Variants in TSNARE1 observed in about 807,000 individuals in gnomAD.
TSNARE1 encodes t-SNARE domain-containing protein 1.
In TSNARE1, 49 loss-of-function variants were observed where a neutral mutation model predicts 62.0. The ratio of observed to expected loss-of-function variants is 0.79; its 90% CI spans 0.63 to 1.00. The LOEUF is 1.00. Ranked by LOEUF, TSNARE1 falls within the 50% of genes least tolerant of loss-of-function variation. TSNARE1 has a pLI of 0.00. For synonymous variants in TSNARE1, 328 were observed against 294.4 expected, an observed-to-expected ratio of 1.11 and a Z score of -1.17; for missense variants, 755 against 700.1, an observed-to-expected ratio of 1.08 and a Z score of -0.88.
At chr8:142,367,936 A>G (rs772906547) in intron 1 of TSNARE1, among the ~76,000 whole-genome samples, 5 of 152,342 alleles carry the variant, frequency 3.3e-5, no homozygotes, top group African/African-American at 4.8e-5. Context: ...TACACTCCAA[A>G]TGGATCATGG....
rs574620425 is a variant in TSNARE1 at position 142,317,748 on chromosome 8, G to A, written c.984+796C>T. Among the ~76,000 whole-genome samples the A allele has an allele frequency of 7.9e-5, 12 of 152,122 alleles. No individual in the cohort carries two copies. The South Asian group carries it at 8.3e-4, about 11-fold the overall frequency. On this transcript the variant is annotated intron_variant, in intron 7 of 13. Transcript: ENST00000524325. ...AGAGGTGGGAGGATCACTTGAGGCC[G>A]GGAGTTTGAGACCAGCCTGAGCAAC...
At chr8:142,374,122 G>A (rs532506843) in intron 1 of TSNARE1, among the ~76,000 whole-genome samples, 1 of 152,158 alleles carries the variant, frequency 6.6e-6, no homozygotes, top group South Asian at 2.1e-4. Flanking sequence ...TGGGCAACAT[G>A]GTGAAACCCC....
chr8:142,343,150 G>C (rs561500181), intron 4 of TSNARE1, among the ~76,000 whole-genome samples: 31 of 152,314 alleles, frequency 2.0e-4, no homozygotes, highest in African/African-American at 7.5e-4. Flanking sequence ...CAGCCTCAGG[G>C]TCTGCAGAAG....
Position 142,222,700 on chromosome 8 carries a change from CCACT to C in TSNARE1, c.*11+6769_*11+6772del, listed in dbSNP as rs768446851. Among the ~76,000 whole-genome samples the C allele has an allele frequency of 1.6e-4, 11 of 69,354 alleles. 1 individual carries two copies. The highest frequency in any genetic ancestry group is 7.2e-5 in the African/African-American group (1 of 13,810). The allele number at this position is 69,354 out of a possible 152,430, so 45.5% of individuals were successfully genotyped here. A position where few individuals can be genotyped will look rare whatever the true frequency, so the allele number is the denominator to read the frequency against. On this transcript the variant is annotated intron_variant, in intron 13 of 13. Transcript: ENST00000524325. ...TCCACTCATCCACTCACTCACTCAT[CCACT>C]CACTCACTCATCCACTCACTCACTC...
intron 6 of TSNARE1, among the ~76,000 whole-genome samples, chr8:142,325,452 T>G (rs1232312694): frequency 6.6e-6 from 1 of 151,938 alleles, no homozygotes; most frequent in African/African-American, 2.4e-5. Flanking sequence ...GAGGAGACAG[T>G]GCAGGAGCCC....
intron 11 of TSNARE1, among the ~76,000 whole-genome samples, chr8:142,284,192 G>T (rs568850327): frequency 6.6e-6 from 1 of 152,334 alleles, no homozygotes; most frequent in South Asian, 2.1e-4. Context: ...GCAGGGACCA[G>T]TGTCAATGAG....
intron 9 of TSNARE1, among the ~76,000 whole-genome samples, chr8:142,311,265 C>T (rs1400819973): frequency 4.2e-5 from 6 of 141,488 alleles, no homozygotes; most frequent in South Asian, 2.3e-4. Flanking sequence ...CAGATTCAAG[C>T]GATTCTCCTG....
intron 2 of TSNARE1, among the ~76,000 whole-genome samples, chr8:142,348,868 T>C (rs1833730036): frequency 6.6e-6 from 1 of 152,166 alleles, no homozygotes; most frequent in African/African-American, 2.4e-5. Flanking sequence ...TTTTGCTGCC[T>C]CTGTCCAGAG....
intron 4 of TSNARE1, among the ~76,000 whole-genome samples, chr8:142,339,033 G>T (rs1404082243): frequency 1.3e-5 from 2 of 152,134 alleles, no homozygotes; most frequent in African/African-American, 2.4e-5. Context: ...CACCCTGGGA[G>T]GACCCTTCTT....
intron 1 of TSNARE1, chr8:142,366,162 G>A (rs976525768): frequency 1.7e-5 from 4 of 237,842 alleles, no homozygotes; most frequent in South Asian, 8.0e-5. Flanking sequence ...TCAGCCTCCC[G>A]AGTAGCTGGG....
At chr8:142,379,640 C>T (rs1228198110) in intron 1 of TSNARE1, among the ~76,000 whole-genome samples, 1 of 152,190 alleles carries the variant, frequency 6.6e-6, no homozygotes, top group African/African-American at 2.4e-5. Context: ...GACGGGGAGG[C>T]GCGAGACCAC....
chr8:142,219,589 G>T (rs1816107290), intron 13 of TSNARE1, among the ~76,000 whole-genome samples: 1 of 152,226 alleles, frequency 6.6e-6, no homozygotes, highest in Non-Finnish European at 1.5e-5. Context: ...CCGACACGTG[G>T]CCCTGCTACT....
At chr8:142,357,712 C>G (rs1834854834) in intron 1 of TSNARE1, among the ~76,000 whole-genome samples, 2 of 152,220 alleles carry the variant, frequency 1.3e-5, no homozygotes, top group Non-Finnish European at 2.9e-5. Flanking sequence ...CTGGCACAGG[C>G]AGGCAGATAC....
At chr8:142,394,307 C>G (rs1221805359) in intron 1 of TSNARE1, among the ~76,000 whole-genome samples, 1 of 152,250 alleles carries the variant, frequency 6.6e-6, no homozygotes, top group Non-Finnish European at 1.5e-5. Flanking sequence ...GGGCACCCCA[C>G]AGCAGCAGGG....
At chr8:142,260,993 G>GA (rs1480206268) in intron 12 of TSNARE1, among the ~76,000 whole-genome samples, 4 of 1,684 alleles carry the variant, frequency 2.4e-3, no homozygotes, top group Non-Finnish European at 3.4e-3. Flanking sequence ...AGGAGAGAGG[G>GA]AGGGGGGTGG....
At chr8:142,251,615 C>T (rs1322195675) in intron 12 of TSNARE1, among the ~76,000 whole-genome samples, 10 of 152,294 alleles carry the variant, frequency 6.6e-5, no homozygotes, top group South Asian at 2.1e-4. Context: ...AGACAGGGCC[C>T]GGCTTATGAG....
At position 142,386,266 on chromosome 8, in the gene TSNARE1, C is replaced by T. The variant is rs565072939; in HGVS notation, c.-40+16838G>A. On this transcript the variant is annotated intron_variant, in intron 1 of 13. Transcript: ENST00000524325. ...GTGGCTATCTGGGGAAATGGGAGAA[C>T]ATTATTCTGGCTATCACAGAAGGTA... is the stretch of plus-strand genomic sequence containing the variant. Among the ~76,000 whole-genome samples, 37 of 152,218 alleles carry T rather than the reference C, an allele frequency of 2.4e-4. 1 individual carries two copies. In the South Asian group the frequency reaches 6.6e-3, roughly 27 times the overall value.
intron 11 of TSNARE1, chr8:142,275,289 G>C: frequency 1.0e-6 from 1 of 985,464 alleles, no homozygotes; most frequent in African/African-American, 1.7e-5. Flanking sequence ...CGACGCGGCT[G>C]ATGGAGACCG....
At chr8:142,315,368 C>T (rs995179988) in intron 7 of TSNARE1, among the ~76,000 whole-genome samples, 5 of 152,244 alleles carry the variant, frequency 3.3e-5, no homozygotes, top group African/African-American at 7.2e-5. Context: ...ACCACCTCCG[C>T]GAGCAGCACT....
Sources: allele counts gnomAD v4.1 joint callset (sites outside exome capture counted in the v4.1 genomes callset), GRCh38; gene constraint gnomAD v4.1.1; transcripts MANE v1.5; gene names NCBI Gene and HGNC (gene_info 2026-07-23, HGNC 2026-07-21).